Variants in AGAP1 observed in about 807,000 individuals in gnomAD.
AGAP1 encodes the protein ArfGAP with GTPase domain, ankyrin repeat and PH domain 1.
In AGAP1, 29 loss-of-function variants were observed where a neutral mutation model predicts 105.3. The ratio of observed to expected loss-of-function variants is 0.28; its 90% CI spans 0.21 to 0.38. The LOEUF is 0.38. AGAP1 is among the 10% of genes least tolerant of loss of function. AGAP1 has a pLI of 1.00. For synonymous variants in AGAP1, 509 were observed against 485.9 expected (o/e 1.05, Z -0.63); for missense variants, 998 against 1,165.1 (o/e 0.86, Z 2.09).
chr2:236,077,754 G>A (rs939071651), intron 16 of AGAP1, among the ~76,000 whole-genome samples: 1 of 152,216 alleles, frequency 6.6e-6, no homozygotes, highest in Non-Finnish European at 1.5e-5. Context: ...GAGCACATTT[G>A]TGAATACAGC....
Position 235,919,182 on chromosome 2 carries a change from A to G in AGAP1, c.1324+10276A>G, listed in dbSNP as rs1553677758. 6.6e-6 allele frequency among the ~76,000 whole-genome samples: 1 copy of G among 152,132 alleles called. No individual in the cohort carries two copies. Among genetic ancestry groups the G allele is most frequent in the Non-Finnish European group, 1.5e-5 (1 of 68,020 alleles). ...CCCGCGCCCCCTCCACCAGGGAGCC[A>G]GCTGCCAGCCCCGGGGGCCAGTGAG... On this transcript the variant is annotated intron_variant, in intron 11 of 17. Coordinates refer to ENST00000304032, the MANE Select transcript of AGAP1 (RefSeq NM_001037131.3). The surrounding 1 kb of genome is among the most constrained non-coding windows in gnomAD (Gnocchi z 4.1).
rs1559720985 is a variant in AGAP1 at position 235,981,035 on chromosome 2, T to C, written c.1645+12412T>C. 6.6e-6 allele frequency among the ~76,000 whole-genome samples: 1 copy of C among 152,224 alleles called. No homozygotes were observed. ...TCTTGTCTTACGGATTGTCTTAGAA[T>C]GATTAGGAAAACTTCTAAGGTGTTT... On this transcript the variant is annotated intron_variant, in intron 13 of 17. Coordinates refer to ENST00000304032, the MANE Select transcript of AGAP1 (RefSeq NM_001037131.3). The surrounding 1 kb of genome is among the most constrained non-coding windows in gnomAD (Gnocchi z 5.5).
At chr2:235,722,406 CGTAGATGGCTGGGTTAT>C (rs370028448) in intron 3 of AGAP1, among the ~76,000 whole-genome samples, 2,722 of 152,072 alleles carry the variant, frequency 0.018, 42 homozygotes, top group Non-Finnish European at 0.027. Flanking sequence ...GGCTGGTATA[CGTAGATGGCTGGGTTAT>C]GTAGATGGCT....
In AGAP1 at chr2:236,002,033, A is replaced by G. The variant is rs1012515460; in HGVS notation, c.1645+33410A>G. 6.6e-6 allele frequency among the ~76,000 whole-genome samples: 1 copy of G among 152,192 alleles called. No homozygotes were observed. The highest frequency in any genetic ancestry group is 6.5e-5 in the Admixed American group (1 of 15,280). On this transcript the variant is annotated intron_variant, in intron 13 of 17. Transcript: ENST00000304032. This position sits in a 1 kb window ranked among gnomAD's most constrained non-coding sequence, Gnocchi z 4.3. ...ATGGCTGGTCCTGGACTGGGTGAGG[A>G]CACCATGAGAAACAGCTAGACTTGG...
At chr2:235,916,342 T>C (rs938317760) in intron 11 of AGAP1, among the ~76,000 whole-genome samples, 1 of 152,188 alleles carries the variant, frequency 6.6e-6, no homozygotes, top group Admixed American at 6.5e-5. Context: ...AAGCCACATT[T>C]TGGAGAATCT....
At chr2:235,950,661 C>T (rs1183102837) in intron 12 of AGAP1, among the ~76,000 whole-genome samples, 3 of 151,708 alleles carry the variant, frequency 2.0e-5, no homozygotes, top group Non-Finnish European at 4.4e-5. Context: ...GCCGCATCCA[C>T]CCCTGACCCT....
chr2:235,566,457 T>A lies in AGAP1; in HGVS notation c.163+71608T>A. 2 of 509,950 alleles carry A rather than the reference T, an allele frequency of 3.9e-6. No individual in the cohort carries two copies. Among genetic ancestry groups the A allele is most frequent in the Non-Finnish European group, 5.1e-6 (2 of 395,900 alleles). The allele number at this position is 509,950 out of a possible 1,614,324, so 31.6% of individuals were successfully genotyped here. On this transcript the variant is annotated intron_variant, in intron 1 of 17. Coordinates refer to ENST00000304032, the MANE Select transcript of AGAP1 (RefSeq NM_001037131.3). This position sits in a 1 kb window ranked among gnomAD's most constrained non-coding sequence, Gnocchi z 5.2. ...TGCTATTATTAACTCGAGATCAATA[T>A]TGATTTACTGTTTTGTTTTTTTATT...
At chr2:235,629,878 A>AC (rs1946769497) in intron 1 of AGAP1, among the ~76,000 whole-genome samples, 2 of 151,354 alleles carry the variant, frequency 1.3e-5, no homozygotes, top group African/African-American at 4.8e-5. Context: ...AAAAAAAAAA[A>AC]AAAAAGAAAG....
rs1389738300 is a variant in AGAP1 at position 235,712,310 on chromosome 2, G to A, written c.222+3073G>A. 3.3e-5 allele frequency among the ~76,000 whole-genome samples: 5 copies of A among 152,218 alleles called. No homozygotes were observed. The highest frequency in any genetic ancestry group is 5.9e-5 in the Non-Finnish European group (4 of 68,046). On this transcript the variant is annotated intron_variant, in intron 2 of 17. Transcript: ENST00000304032. The surrounding 1 kb of genome is among the most constrained non-coding windows in gnomAD (Gnocchi z 6.0). ...TGGGATGACAGGCCTGAGCCACTGC[G>A]CCCGGCCTGATGTTTTCTGAAGTTG... is the stretch of plus-strand genomic sequence containing the variant.
chr2:235,823,022 C>T (rs1277256624), intron 9 of AGAP1, among the ~76,000 whole-genome samples: 2 of 152,082 alleles, frequency 1.3e-5, no homozygotes, highest in Non-Finnish European at 2.9e-5. Flanking sequence ...AAAGGCGCTG[C>T]CACAAACCAA....
intron 16 of AGAP1, among the ~76,000 whole-genome samples, chr2:236,088,947 C>A (rs983909473): frequency 6.6e-6 from 1 of 152,104 alleles, no homozygotes; most frequent in African/African-American, 2.4e-5. Flanking sequence ...TAAAGACACA[C>A]GGGGCTGAAA....
At chr2:235,543,216 A>G (rs1407635368) in intron 1 of AGAP1, among the ~76,000 whole-genome samples, 1 of 149,610 alleles carries the variant, frequency 6.7e-6, no homozygotes, top group Non-Finnish European at 1.5e-5. Context: ...TCATATCATC[A>G]CAGTCATCAA....
Position 236,105,619 on chromosome 2 carries a change from G to C in AGAP1, c.2115-14573G>C, listed in dbSNP as rs1184463539. On this transcript the variant is annotated intron_variant, in intron 16 of 17. Coordinates refer to ENST00000304032, the MANE Select transcript of AGAP1 (RefSeq NM_001037131.3). This position sits in a 1 kb window ranked among gnomAD's most constrained non-coding sequence, Gnocchi z 4.2. ...CACCCAGGCTGCAGTGCAGTGGCGTGAACTCGGCTCACTGCAACCTCCGCC... is the reference window on the plus strand; with the variant it reads ...CACCCAGGCTGCAGTGCAGTGGCGTCAACTCGGCTCACTGCAACCTCCGCC... Among the ~76,000 whole-genome samples the C allele has an allele frequency of 7.0e-6, 1 of 143,666 alleles. No individual in the cohort carries two copies. The highest frequency in any genetic ancestry group is 2.6e-5 in the African/African-American group (1 of 38,032). The allele number at this position is 143,666 out of a possible 152,430, so 94.3% of individuals were successfully genotyped here.
chr2:235,980,796 C>A (rs1045799582), intron 13 of AGAP1, among the ~76,000 whole-genome samples: 1 of 152,174 alleles, frequency 6.6e-6, no homozygotes, highest in African/African-American at 2.4e-5. Context: ...CTACCCTGTG[C>A]CCAAAAGACT....
At chr2:236,037,696 C>G (rs2057424529) in intron 14 of AGAP1, among the ~76,000 whole-genome samples, 1 of 152,224 alleles carries the variant, frequency 6.6e-6, no homozygotes, top group Non-Finnish European at 1.5e-5. Context: ...GCATGAGCTA[C>G]CACGCCTGGC....
intron 16 of AGAP1, among the ~76,000 whole-genome samples, chr2:236,071,601 C>T (rs1559247056): frequency 6.6e-6 from 1 of 152,248 alleles, no homozygotes; most frequent in African/African-American, 2.4e-5. Flanking sequence ...GTTTGTGAAT[C>T]TGCAGTGCGA....
chr2:235,775,275 A>G (rs181923083), intron 6 of AGAP1, among the ~76,000 whole-genome samples: 2 of 152,278 alleles, frequency 1.3e-5, no homozygotes, highest in East Asian at 1.9e-4. Flanking sequence ...TGTCACCCTC[A>G]ACGAAAGGAG....
intron 1 of AGAP1, among the ~76,000 whole-genome samples, chr2:235,687,476 A>G (rs918561751): frequency 6.6e-6 from 1 of 152,240 alleles, no homozygotes; most frequent in African/African-American, 2.4e-5. Flanking sequence ...ACAGTCCGAT[A>G]TGTGTAAATC....
chr2:235,860,300 C>T (rs529895176), intron 9 of AGAP1, among the ~76,000 whole-genome samples: 11 of 152,082 alleles, frequency 7.2e-5, no homozygotes, highest in Non-Finnish European at 1.3e-4. Flanking sequence ...GAAGTCATTA[C>T]GTAAGTGCGT....
Sources: allele counts gnomAD v4.1 joint callset (sites outside exome capture counted in the v4.1 genomes callset), GRCh38; gene constraint gnomAD v4.1.1; non-coding constraint Gnocchi (gnomAD v3.1); transcripts MANE v1.5; gene names NCBI Gene and HGNC (gene_info 2026-07-23, HGNC 2026-07-21).